ADGRF5: variants seen among roughly 807,000 people sequenced by gnomAD.
ADGRF5 encodes G-protein coupled receptor 116.
A neutral mutation model predicts 132.3 loss-of-function variants in ADGRF5; 75 were observed. The ratio of observed to expected loss-of-function variants is 0.57; its 90% CI spans 0.47 to 0.69. The LOEUF (loss-of-function observed/expected upper bound fraction) is 0.69. ADGRF5 is among the 30% of genes least tolerant of loss of function. The probability of loss-of-function intolerance (pLI) is 0.00; values close to 1 mark genes in which losing one functional copy is unlikely to be tolerated. For missense variants in ADGRF5, 1,516 were observed against 1,630.6 expected (o/e 0.93, Z 1.21); for synonymous variants, 629 against 597.6 (o/e 1.05, Z -0.77).
intron 4 of ADGRF5, among the ~76,000 whole-genome samples, chr6:46,885,808 TA>T (rs1184383616): frequency 1.6e-4 from 24 of 152,370 alleles, no homozygotes; most frequent in African/African-American, 5.3e-4. Flanking sequence ...TTTATACGTG[TA>T]TAGAAGTTTA....
At chr6:46,953,685 A>C (rs561719952) in intron 1 of ADGRF5, among the ~76,000 whole-genome samples, 123 of 126,890 alleles carry the variant, frequency 9.7e-4, no homozygotes, top group South Asian at 1.6e-3. Flanking sequence ...ATATATATAT[A>C]TATATCTCAC....
chr6:46,892,155 T>TAC (rs66857908), intron 3 of ADGRF5, among the ~76,000 whole-genome samples: 27 of 136,304 alleles, frequency 2.0e-4, no homozygotes, highest in Middle Eastern at 7.4e-3. Flanking sequence ...AATACACAAA[T>TAC]ACACACACAC....
intron 3 of ADGRF5, among the ~76,000 whole-genome samples, chr6:46,893,439 C>T (rs1581886763): frequency 1.3e-5 from 2 of 152,122 alleles, no homozygotes; most frequent in African/African-American, 4.8e-5. Flanking sequence ...CAGCGATCAG[C>T]GTGACCCACA....
At chr6:46,902,249 G>A (rs370965041) in intron 2 of ADGRF5, among the ~76,000 whole-genome samples, 1 of 152,090 alleles carries the variant, frequency 6.6e-6, no homozygotes, top group Non-Finnish European at 1.5e-5. Flanking sequence ...TCCTCTCTGG[G>A]GCCTGGTGGG....
At chr6:46,945,233 T>A (rs1368402195) in intron 1 of ADGRF5, among the ~76,000 whole-genome samples, 1 of 152,208 alleles carries the variant, frequency 6.6e-6, no homozygotes, top group South Asian at 2.1e-4. Context: ...TTAAAACTCA[T>A]ATAGGAAGTG....
Position 46,862,883 on chromosome 6 carries a change from A to G in ADGRF5, c.2199+5T>C. 1 of 1,594,472 alleles carries G rather than the reference A, an allele frequency of 6.3e-7. No individual in the cohort carries two copies. The highest frequency in any genetic ancestry group is 8.6e-7 in the Non-Finnish European group (1 of 1,163,360). The stretch of plus-strand genomic sequence containing the variant: ...AGAGCTCAGAGTGGAAGCTTTAAGG[A>G]TCACCTTAGCCATCTGGAGCAGACT... On this transcript the variant is annotated splice_donor_5th_base_variant and intron_variant, in intron 15 of 20. Coordinates refer to ENST00000283296, the MANE Select transcript of ADGRF5 (RefSeq NM_001098518.2).
At chr6:46,922,755 G>A (rs186632216), upstream of ADGRF5, among the ~76,000 whole-genome samples, 1 of 152,156 alleles carries the variant, frequency 6.6e-6, no homozygotes, top group Non-Finnish European at 1.5e-5. Context: ...GCTTGGAATC[G>A]GCATTGGAAA....
chr6:46,902,694 T>A (rs148575429), intron 2 of ADGRF5, among the ~76,000 whole-genome samples: 1 of 152,180 alleles, frequency 6.6e-6, no homozygotes, highest in Non-Finnish European at 1.5e-5. Flanking sequence ...TCTTTGCAAG[T>A]GCCGCTTCCA....
intron 10 of ADGRF5, among the ~76,000 whole-genome samples, chr6:46,875,061 A>G (rs527542156): frequency 1.3e-5 from 2 of 152,332 alleles, no homozygotes; most frequent in South Asian, 4.1e-4. Context: ...TGAAAAATGG[A>G]TTCTACTGTT....
rs572651828 is a variant in ADGRF5 at position 46,893,406 on chromosome 6, A to T, written c.158-4901T>A. The stretch of plus-strand genomic sequence containing the variant: ...AATGCACCGAGGTGACAGGATCAGC[A>T]CCTAAGGAGCAGCTTAGATGCTCAG... On this transcript the variant is annotated intron_variant, in intron 3 of 20. Coordinates refer to ENST00000283296, the MANE Select transcript of ADGRF5 (RefSeq NM_001098518.2). 4.6e-5 allele frequency among the ~76,000 whole-genome samples: 7 copies of T among 152,198 alleles called. No homozygotes were observed. The South Asian group carries it at 1.5e-3, about 32-fold the overall frequency.
Position 46,859,331 on chromosome 6 carries a change from T to C in ADGRF5, c.2572A>G (p.Ile858Val). The C allele has an allele frequency of 1.9e-6, 3 of 1,613,840 alleles. No individual in the cohort carries two copies. Among genetic ancestry groups the C allele is most frequent in the Non-Finnish European group, 2.5e-6 (3 of 1,179,766 alleles). ...TAGGTTTCTGGGTGGCTGGACTTGA[T>C]TACCATGCTGCTCATCTGCACATTA... Reference protein sequence around the residue: ...QTNVQMSSMVIKSSHPETYQQ... With the variant: ...QTNVQMSSMVVKSSHPETYQQ... The change falls in exon 17 of 21, where the codon ATC becomes GTC. Residue 858 changes from isoleucine to valine, a missense_variant. Physicochemically the swap from Ile to Val is conservative, Grantham distance 29. This residue lies in a region of ADGRF5 where 571 missense variants were observed against 701.2 expected (regional missense o/e 0.81). Coordinates refer to ENST00000283296, the MANE Select transcript of ADGRF5 (RefSeq NM_001098518.2).
At chr6:46,934,925 C>T (rs1777740525) in intron 1 of ADGRF5, among the ~76,000 whole-genome samples, 1 of 151,766 alleles carries the variant, frequency 6.6e-6, no homozygotes, top group Middle Eastern at 3.5e-3. Flanking sequence ...AGAACTTAGA[C>T]CTTCAATAGA....
chr6:46,865,098 G>A lies in ADGRF5; in HGVS notation c.1934C>T (p.Thr645Ile). ...CCAGACTGAATTATTAGCAGCATTG[G>A]TAAAGTGACAACACACATCAACAGT... ...SKTVDVCCHF[T>I]NAANNSVWSP... Residue 645 changes from threonine (T) to isoleucine (I), a missense_variant, in exon 14 of 21, where the codon ACC becomes ATC. Physicochemically the swap from Thr to Ile is moderately conservative, Grantham distance 89. Around this residue, in one of 2 missense-constraint regions of ADGRF5, gnomAD observed 945 missense variants for 929.4 expected, o/e 1.02. Transcript: ENST00000283296. 2 of 1,610,524 alleles carry A rather than the reference G, an allele frequency of 1.2e-6. No homozygotes were observed. Among genetic ancestry groups the A allele is most frequent in the Non-Finnish European group, 1.7e-6 (2 of 1,176,738 alleles).
At chr6:46,941,772 T>A (rs531824173) in intron 1 of ADGRF5, among the ~76,000 whole-genome samples, 1 of 152,138 alleles carries the variant, frequency 6.6e-6, no homozygotes, top group South Asian at 2.1e-4. Context: ...GATGGGCTGC[T>A]AGGTTCATCT....
intron 9 of ADGRF5, among the ~76,000 whole-genome samples, chr6:46,879,613 C>T (rs1772219462): frequency 6.6e-6 from 1 of 152,168 alleles, no homozygotes; most frequent in Admixed American, 6.5e-5. Flanking sequence ...TCATAAATTA[C>T]CCAATCTCAG....
At chr6:46,921,446 T>C (rs1317756090) in intron 1 of ADGRF5, among the ~76,000 whole-genome samples, 2 of 152,070 alleles carry the variant, frequency 1.3e-5, no homozygotes, top group Non-Finnish European at 2.9e-5. Context: ...AAGTCTGTTA[T>C]TAAGAAAATC....
chr6:46,884,042 G>A (rs1004415232), intron 5 of ADGRF5, 53 bp downstream of exon 5: 42 of 1,436,354 alleles, frequency 2.9e-5, no homozygotes, highest in African/African-American at 2.4e-4. Flanking sequence ...ATGCCCAGTC[G>A]TAAACTGATG....
intron 4 of ADGRF5, among the ~76,000 whole-genome samples, chr6:46,887,729 C>G (rs1266167153): frequency 1.3e-5 from 2 of 152,202 alleles, no homozygotes; most frequent in African/African-American, 4.8e-5. Context: ...TAACTGGAAG[C>G]CTTATCTCAC....
At chr6:46,940,170 G>T (rs778988371) in intron 1 of ADGRF5, among the ~76,000 whole-genome samples, 1 of 152,190 alleles carries the variant, frequency 6.6e-6, no homozygotes, top group African/African-American at 2.4e-5. Context: ...CTTTGAGACT[G>T]AGTGTGCACG....
Sources: gnomAD v4.1 joint callset for allele counts (sites outside exome capture counted in the v4.1 genomes callset) on GRCh38, gnomAD v4.1.1 for gene constraint, gnomAD v4.1.1 regional missense constraint, MANE v1.5 for transcripts, NCBI Gene and HGNC (gene_info 2026-07-23, HGNC 2026-07-21) for gene names.